PCED1B: variants seen among roughly 807,000 people sequenced by gnomAD.
PCED1B encodes PC-esterase domain-containing protein 1B.
For synonymous variants in PCED1B, 251 were observed against 246.1 expected (o/e 1.02, Z -0.19); for missense variants, 573 against 573.9 (o/e 1.00, Z 0.02).
chr12:47,139,516 A>G (rs139465244), intron 2 of PCED1B, among the ~76,000 whole-genome samples: 188 of 152,338 alleles, frequency 1.2e-3, no homozygotes, highest in Middle Eastern at 0.01. Flanking sequence ...GCTCAAGACA[A>G]GGCAAAGAGG....
At chr12:47,110,957 G>A (rs1939167779) in intron 2 of PCED1B, among the ~76,000 whole-genome samples, 1 of 152,190 alleles carries the variant, frequency 6.6e-6, no homozygotes, top group South Asian at 2.1e-4. Context: ...ATGAAAGAAT[G>A]CTCTGGTGTT....
In PCED1B at chr12:47,146,687, TA is replaced by T. The variant is rs565806565; in HGVS notation, c.-526+42493del. On this transcript the variant is annotated intron_variant, in intron 2 of 3. Transcript: ENST00000546455. ...TTTAATTAAGGTATGTACTTTTTTT[TA>T]GATACAATGATATTGCACACTTAAT... Among the ~76,000 whole-genome samples the T allele has an allele frequency of 1.0e-3, 155 of 152,340 alleles. 1 individual carries two copies. Among genetic ancestry groups the T allele is most frequent in the South Asian group, 4.3e-3 (21 of 4,832 alleles).
Position 47,092,918 on chromosome 12 carries a change from T to C in PCED1B, c.-608-11195T>C, listed in dbSNP as rs534939859. Among the ~76,000 whole-genome samples, 5 of 152,214 alleles carry C rather than the reference T, an allele frequency of 3.3e-5. No individual in the cohort carries two copies. The East Asian group carries it at 9.6e-4, about 29-fold the overall frequency. ...TAATATTTTGTTAAGAATTTTTAAG[T>C]AATGTTTATGAGAAAGATGGGCTTG... On this transcript the variant is annotated intron_variant, in intron 1 of 3. Transcript: ENST00000546455.
intron 2 of PCED1B, among the ~76,000 whole-genome samples, chr12:47,179,597 C>T (rs1291461809): frequency 6.6e-6 from 1 of 152,200 alleles, no homozygotes; most frequent in East Asian, 1.9e-4. Context: ...TTCATTGTGA[C>T]ACAACTAATA....
chr12:47,167,813 T>C (rs1037970383), intron 2 of PCED1B, among the ~76,000 whole-genome samples: 1 of 152,190 alleles, frequency 6.6e-6, no homozygotes, highest in East Asian at 1.9e-4. Flanking sequence ...GGAGGGAAGA[T>C]GGGCCTTCTA....
At chr12:47,187,049 CT>C (rs998508370) in intron 2 of PCED1B, among the ~76,000 whole-genome samples, 46 of 152,154 alleles carry the variant, frequency 3.0e-4, no homozygotes, top group Admixed American at 2.2e-3. Context: ...GAAAATGGCT[CT>C]TGGGGAGGTA....
intron 2 of PCED1B, among the ~76,000 whole-genome samples, chr12:47,118,951 C>A (rs183796720): frequency 3.3e-5 from 5 of 152,232 alleles, no homozygotes; most frequent in Non-Finnish European, 2.9e-5. Flanking sequence ...CTCTTTGAAG[C>A]AATTGTGAAT....
chr12:47,153,420 A>C (rs920464284), intron 2 of PCED1B, among the ~76,000 whole-genome samples: 8 of 151,992 alleles, frequency 5.3e-5, no homozygotes, highest in Admixed American at 2.0e-4. Flanking sequence ...TGAATTACAC[A>C]GTTTAAAATC....
chr12:47,149,132 G>A (rs1487784041), intron 2 of PCED1B, among the ~76,000 whole-genome samples: 1 of 152,118 alleles, frequency 6.6e-6, no homozygotes, highest in South Asian at 2.1e-4. Context: ...TGCTCTCAAC[G>A]AATGGAAACA....
chr12:47,234,392 G>A (rs1297948272), intron 3 of PCED1B, among the ~76,000 whole-genome samples: 1 of 152,146 alleles, frequency 6.6e-6, no homozygotes, highest in Non-Finnish European at 1.5e-5. Context: ...AGACTGTAAA[G>A]AATATTTACA....
At chr12:47,104,366 T>C (rs530425439) in intron 2 of PCED1B, among the ~76,000 whole-genome samples, 171 bp downstream of exon 2, 1 of 152,348 alleles carries the variant, frequency 6.6e-6, no homozygotes, top group South Asian at 2.1e-4. Flanking sequence ...GTTTTCTCAA[T>C]TATATAACTG....
chr12:47,186,754 T>G (rs1047099881), intron 2 of PCED1B, among the ~76,000 whole-genome samples: 3 of 152,176 alleles, frequency 2.0e-5, no homozygotes, highest in African/African-American at 7.2e-5. Context: ...CCTTCAGAAT[T>G]GTGAGATACT....
chr12:47,188,819 G>A (rs1942356726), intron 2 of PCED1B, among the ~76,000 whole-genome samples: 1 of 152,150 alleles, frequency 6.6e-6, no homozygotes, highest in East Asian at 1.9e-4. Context: ...CTCATTCTCC[G>A]TAAAAAACAG....
chr12:47,132,928 G>GA (rs1409975741), intron 2 of PCED1B, among the ~76,000 whole-genome samples: 5 of 152,130 alleles, frequency 3.3e-5, no homozygotes, highest in Non-Finnish European at 7.4e-5. Flanking sequence ...TTCAAGGGGG[G>GA]AAATGGTGAT....
At chr12:47,096,579 G>A (rs1257693523) in intron 1 of PCED1B, among the ~76,000 whole-genome samples, 1 of 152,078 alleles carries the variant, frequency 6.6e-6, no homozygotes, top group Non-Finnish European at 1.5e-5. Flanking sequence ...TCACTCTACA[G>A]CACCTAACAC....
At chr12:47,092,593 G>A (rs75191691) in intron 1 of PCED1B, among the ~76,000 whole-genome samples, 6,135 of 152,088 alleles carry the variant, frequency 0.04, 414 homozygotes, top group African/African-American at 0.14. Context: ...TCTTGACCCA[G>A]TTCCAGTCTT....
chr12:47,211,794 G>A (rs1266946813), intron 2 of PCED1B, among the ~76,000 whole-genome samples: 1 of 151,522 alleles, frequency 6.6e-6, no homozygotes, highest in Non-Finnish European at 1.5e-5. Flanking sequence ...CCAATCTCTC[G>A]GCTGGGCACG....
intron 2 of PCED1B, among the ~76,000 whole-genome samples, chr12:47,184,707 A>G (rs1942201134): frequency 6.6e-6 from 1 of 151,978 alleles, no homozygotes; most frequent in Non-Finnish European, 1.5e-5. Flanking sequence ...CCGTCATTTC[A>G]TAAAAGAAAG....
chr12:47,175,497 T>C (rs1941893338), intron 2 of PCED1B, among the ~76,000 whole-genome samples: 1 of 152,210 alleles, frequency 6.6e-6, no homozygotes, highest in Non-Finnish European at 1.5e-5. Flanking sequence ...TAGAAATTTC[T>C]AGTATACAGA....
Sources: allele counts gnomAD v4.1 joint callset (sites outside exome capture counted in the v4.1 genomes callset), GRCh38; gene constraint gnomAD v4.1.1; transcripts MANE v1.5; gene names NCBI Gene and HGNC (gene_info 2026-07-23, HGNC 2026-07-21).